The following MACROD2 variants were observed in gnomAD, a reference collection of about 807,000 sequenced individuals.
The protein encoded by MACROD2 is ADP-ribose glycohydrolase MACROD2.
MACROD2 carries 36 observed loss-of-function variants against 70.4 expected under a neutral mutation model. The ratio of observed to expected loss-of-function variants is 0.51; its 90% CI spans 0.39 to 0.68. MACROD2 has a LOEUF of 0.68. MACROD2 is among the 30% of genes least tolerant of loss of function. The pLI is 0.00. For missense variants in MACROD2, 496 were observed against 538.4 expected, an observed-to-expected ratio of 0.92 and a Z score of 0.78; for synonymous variants, 172 against 178.8, an observed-to-expected ratio of 0.96 and a Z score of 0.30.
chr20:15,461,006 A>ATATATATATATATATATATATATTTTTTT, intron 7 of MACROD2, among the ~76,000 whole-genome samples: 3 of 67,000 alleles, frequency 4.5e-5, no homozygotes, highest in Non-Finnish European at 6.6e-5. Context: ...ATATATATAT[A>ATATATATATATATATATATATATTTTTTT]TTTTTTTTTA....
At chr20:14,078,756 C>A (rs1048064796) in intron 2 of MACROD2, among the ~76,000 whole-genome samples, 2 of 151,966 alleles carry the variant, frequency 1.3e-5, no homozygotes, top group Non-Finnish European at 2.9e-5. Flanking sequence ...CCCATAGGTC[C>A]CCTGGAAAAT....
intron 5 of MACROD2, among the ~76,000 whole-genome samples, chr20:14,830,039 G>A (rs887573672): frequency 1.4e-4 from 22 of 152,004 alleles, no homozygotes; most frequent in Admixed American, 1.4e-3. Context: ...TGGCTATTTG[G>A]TTTCTTTATC....
intron 8 of MACROD2, among the ~76,000 whole-genome samples, chr20:15,729,956 G>T (rs6131690): frequency 0.63 from 94,860 of 150,910 alleles, 31,632 homozygotes; most frequent in Middle Eastern, 0.78. Flanking sequence ...AGCCTCCTGA[G>T]TAGCTGGATT....
rs1969777 is a variant in MACROD2, at chr20:14,130,580, G to T, written c.271+44852G>T. On this transcript the variant is annotated intron_variant, in intron 3 of 17. Coordinates refer to ENST00000684519, the MANE Select transcript of MACROD2 (RefSeq NM_001351661.2). Reference sequence around the variant, plus strand: ...AAGAAAGAAAAAGAAAATATCTACCGTTAGCATAGGAAAATTCATTATAGC... The same window carrying T: ...AAGAAAGAAAAAGAAAATATCTACCTTTAGCATAGGAAAATTCATTATAGC... Among the ~76,000 whole-genome samples, 43 of 151,992 alleles carry T rather than the reference G, an allele frequency of 2.8e-4. No individual in the cohort carries two copies. The South Asian group carries it at 7.5e-3, about 26-fold the overall frequency.
At chr20:15,640,848 G>T (rs1196041073) in intron 8 of MACROD2, among the ~76,000 whole-genome samples, 1 of 152,170 alleles carries the variant, frequency 6.6e-6, no homozygotes, top group Non-Finnish European at 1.5e-5. Context: ...ATCCTGCCAG[G>T]CTGACAGTGA....
intron 15 of MACROD2, among the ~76,000 whole-genome samples, chr20:15,998,776 G>T (rs1238951387): frequency 6.6e-6 from 1 of 151,838 alleles, no homozygotes; most frequent in Non-Finnish European, 1.5e-5. Flanking sequence ...GTGTTAGCCA[G>T]GATGGTCTCA....
At chr20:14,259,202 A>G (rs1159745343) in intron 3 of MACROD2, among the ~76,000 whole-genome samples, 1 of 152,182 alleles carries the variant, frequency 6.6e-6, no homozygotes, top group Non-Finnish European at 1.5e-5. Context: ...TGGCCTCCCA[A>G]AGTGCTGGGA....
Position 14,739,045 on chromosome 20 carries a change from G to C in MACROD2, c.418+54086G>C, listed in dbSNP as rs530652554. Among the ~76,000 whole-genome samples, 15 of 151,888 alleles carry C rather than the reference G, an allele frequency of 9.9e-5. 1 individual carries two copies. Among genetic ancestry groups the C allele is most frequent in the Non-Finnish European group, 1.8e-4 (12 of 67,902 alleles). On this transcript the variant is annotated intron_variant, in intron 5 of 17. Coordinates refer to ENST00000684519, the MANE Select transcript of MACROD2 (RefSeq NM_001351661.2). ...AATCATAATGTTCAATTCCATAGAG[G>C]AATGATGAAGTAAGGTATATCAAGT... is the stretch of plus-strand genomic sequence containing the variant.
intron 5 of MACROD2, among the ~76,000 whole-genome samples, chr20:15,044,864 A>G (rs1568546672): frequency 6.6e-6 from 1 of 152,118 alleles, no homozygotes; most frequent in Non-Finnish European, 1.5e-5. Flanking sequence ...CACAGATAAA[A>G]CGTTATGTGC....
intron 5 of MACROD2, among the ~76,000 whole-genome samples, chr20:15,039,168 T>G (rs1213621657): frequency 1.3e-5 from 2 of 152,110 alleles, no homozygotes; most frequent in Non-Finnish European, 1.5e-5. Flanking sequence ...TTAGGACTGA[T>G]GAAGAAAGGA....
intron 3 of MACROD2, among the ~76,000 whole-genome samples, chr20:14,159,276 T>C (rs760903411): frequency 1.3e-5 from 2 of 152,062 alleles, no homozygotes; most frequent in Non-Finnish European, 2.9e-5. Flanking sequence ...AAAATAACAT[T>C]AGTATTTTTG....
At chr20:15,112,526 G>GA (rs200663051) in intron 5 of MACROD2, among the ~76,000 whole-genome samples, 1 of 151,636 alleles carries the variant, frequency 6.6e-6, no homozygotes, top group Non-Finnish European at 1.5e-5. Flanking sequence ...TTACTGTTAA[G>GA]AAAGAAAAAA....
rs74416042 is a variant in MACROD2 at position 14,731,498 on chromosome 20, G to C, written c.418+46539G>C. 2.5e-3 allele frequency among the ~76,000 whole-genome samples: 386 copies of C among 152,262 alleles called. 8 individuals are homozygous for C. In the East Asian group the frequency reaches 0.036, roughly 14 times the overall value. On this transcript the variant is annotated intron_variant, in intron 5 of 17. Transcript: ENST00000684519. Reference sequence around the variant, plus strand: ...CTATAACTGGTGGGACATATATTTAGAAGAAATAGTTATGAAAACCATAGC... The same window carrying C: ...CTATAACTGGTGGGACATATATTTACAAGAAATAGTTATGAAAACCATAGC...
At chr20:15,115,191 A>G (rs1177337398) in intron 5 of MACROD2, among the ~76,000 whole-genome samples, 1 of 151,874 alleles carries the variant, frequency 6.6e-6, no homozygotes, top group Non-Finnish European at 1.5e-5. Context: ...CACCTCATAC[A>G]TTTTTTTGTC....
In MACROD2 at chr20:14,468,898, C is replaced by T. The variant is rs148441181; in HGVS notation, c.272-24581C>T. The stretch of plus-strand genomic sequence containing the variant: ...CTTGACTCTTTATCCAATTTGTCAG[C>T]CTGTGTCTTTGAATTGGAGGATTTA... On this transcript the variant is annotated intron_variant, in intron 3 of 17. Coordinates refer to ENST00000684519, the MANE Select transcript of MACROD2 (RefSeq NM_001351661.2). Among the ~76,000 whole-genome samples the T allele has an allele frequency of 4.5e-3, 684 of 152,170 alleles. 15 individuals carry two copies. The highest frequency in any genetic ancestry group is 0.016 in the African/African-American group (646 of 41,482).
intron 5 of MACROD2, among the ~76,000 whole-genome samples, chr20:14,957,464 A>G (rs991873023): frequency 2.0e-5 from 3 of 152,166 alleles, no homozygotes; most frequent in Non-Finnish European, 4.4e-5. Context: ...CTAGTGGCAA[A>G]GTGATGAGAG....
chr20:14,798,429 G>A (rs1164574737), intron 5 of MACROD2, among the ~76,000 whole-genome samples: 1 of 151,938 alleles, frequency 6.6e-6, no homozygotes, highest in Non-Finnish European at 1.5e-5. Context: ...TTTTCTATTT[G>A]TAGCTGAAGT....
intron 4 of MACROD2, among the ~76,000 whole-genome samples, chr20:14,497,009 T>A (rs1218287196): frequency 6.6e-6 from 1 of 151,772 alleles, no homozygotes; most frequent in Non-Finnish European, 1.5e-5. Flanking sequence ...CGTTCTTGAC[T>A]GCCACTCCAG....
chr20:13,995,847 GGGGTTAGGGT>G lies in MACROD2; in HGVS notation c.46+42_46+51del. 1.3e-6 allele frequency: 2 copies of G among 1,530,178 alleles called. No individual in the cohort carries two copies. Among genetic ancestry groups the G allele is most frequent in the Non-Finnish European group, 8.8e-7 (1 of 1,130,912 alleles). 94.8% of individuals were successfully genotyped at this position (1,530,178 alleles called of 1,614,324 possible). A position where few individuals can be genotyped will look rare whatever the true frequency, so the allele number is the denominator to read the frequency against. The stretch of plus-strand genomic sequence containing the variant: ...TCGAGTCCTGGGGGTGCGGGCGGTG[GGGGTTAGGGT>G]GGGGGCGGGGGTCAGGCTGTGTGTG... On this transcript the variant is annotated intron_variant, in intron 1 of 17. Transcript: ENST00000684519. The surrounding 1 kb of genome is among the most constrained non-coding windows in gnomAD (Gnocchi z 4.3).
Sources: gnomAD v4.1 joint callset for allele counts (sites outside exome capture counted in the v4.1 genomes callset) on GRCh38, gnomAD v4.1.1 for gene constraint, Gnocchi (gnomAD v3.1) non-coding constraint, MANE v1.5 for transcripts, NCBI Gene and HGNC (gene_info 2026-07-23, HGNC 2026-07-21) for gene names.